CAPRIN2: variants seen among roughly 807,000 people sequenced by gnomAD.
CAPRIN2 encodes caprin-2.
Under a neutral mutation model 130.4 loss-of-function variants are expected in CAPRIN2, and 66 were observed. That is an observed-to-expected ratio of 0.51 (90% CI 0.42 to 0.62). The LOEUF is 0.62. Ranked by LOEUF, CAPRIN2 falls within the 20% of genes least tolerant of loss-of-function variation. The probability of loss-of-function intolerance (pLI) is 0.00; values close to 1 mark genes in which losing one functional copy is unlikely to be tolerated. For synonymous variants in CAPRIN2, 471 were observed against 444.1 expected (o/e 1.06, Z -0.76); for missense variants, 1,185 against 1,246.6 (o/e 0.95, Z 0.74).
chr12:30,741,870 A>G (rs182092881), intron 2 of CAPRIN2, among the ~76,000 whole-genome samples: 1 of 152,272 alleles, frequency 6.6e-6, no homozygotes, highest in Admixed American at 6.5e-5. Flanking sequence ...CAGCAGCATA[A>G]TGGCCCAAAA....
chr12:30,753,686 T>G, exon 1 of CAPRIN2: 2 of 1,614,122 alleles, frequency 1.2e-6, no homozygotes, highest in Non-Finnish European at 1.7e-6. Context: ...CCCTGGAAAG[T>G]CTAGACCACT....
At chr12:30,737,987 C>T (rs962136328) in intron 3 of CAPRIN2, among the ~76,000 whole-genome samples, 2 of 151,530 alleles carry the variant, frequency 1.3e-5, no homozygotes, top group Non-Finnish European at 2.9e-5. Flanking sequence ...GTAACAAGGT[C>T]GAAAAGAAGG....
At chr12:30,735,588 G>C (rs1312870318) in intron 3 of CAPRIN2, among the ~76,000 whole-genome samples, 1 of 151,776 alleles carries the variant, frequency 6.6e-6, no homozygotes, top group Non-Finnish European at 1.5e-5. Context: ...TCATATTCCA[G>C]GGGAAAAAAT....
chr12:30,737,615 T>TTTTTGAA (rs2065464111), intron 3 of CAPRIN2, among the ~76,000 whole-genome samples: 1 of 141,894 alleles, frequency 7.0e-6, no homozygotes. Context: ...TTTTTTTTTT[T>TTTTTGAA]GAGACGTAGT....
chr12:30,716,130 A>C, intron 13 of CAPRIN2: 2 of 194,604 alleles, frequency 1.0e-5, no homozygotes, highest in South Asian at 2.1e-4. Flanking sequence ...TTTTATTATA[A>C]GATAGAAAAG....
intron 11 of CAPRIN2, among the ~76,000 whole-genome samples, chr12:30,722,458 T>C (rs2059695094): frequency 1.3e-5 from 2 of 152,164 alleles, no homozygotes; most frequent in South Asian, 4.1e-4. Context: ...GCTAGACCAG[T>C]GCTTTTCAAA....
intron 12 of CAPRIN2, chr12:30,719,208 G>C (rs2058601384): frequency 1.2e-6 from 2 of 1,613,850 alleles, no homozygotes; most frequent in Non-Finnish European, 1.7e-6. Flanking sequence ...ACGGTTGCTT[G>C]CCTGGGGGAA....
intron 12 of CAPRIN2, 103 bp from the exon 14 acceptor site, chr12:30,719,328 G>A (rs2058650763): frequency 2.3e-6 from 3 of 1,278,106 alleles, no homozygotes; most frequent in Admixed American, 2.1e-5. Context: ...TCTTTAGGAT[G>A]ACATTTGGAC....
chr12:30,718,476 T>G (rs760719915), intron 12 of CAPRIN2, among the ~76,000 whole-genome samples: 1 of 152,156 alleles, frequency 6.6e-6, no homozygotes, highest in Non-Finnish European at 1.5e-5. Context: ...ACTAAGGCTT[T>G]TTTCCCCCAC....
chr12:30,722,098 ATAGT>A (rs2059591557), intron 11 of CAPRIN2, among the ~76,000 whole-genome samples: 1 of 152,224 alleles, frequency 6.6e-6, no homozygotes, highest in Admixed American at 6.5e-5. Context: ...AGGCCACTTG[ATAGT>A]TAATCTTAAA....
chr12:30,723,839 A>G (rs990841375), intron 10 of CAPRIN2, among the ~76,000 whole-genome samples: 6 of 152,338 alleles, frequency 3.9e-5, no homozygotes, highest in Admixed American at 1.3e-4. Context: ...TGCTACACCA[A>G]TCTTCAAGCT....
intron 2 of CAPRIN2, among the ~76,000 whole-genome samples, chr12:30,741,383 G>C (rs571909749): frequency 1.3e-5 from 2 of 151,986 alleles, no homozygotes; most frequent in East Asian, 1.9e-4. Flanking sequence ...GATCAGAAAG[G>C]CCTGTTGGTT....
At chr12:30,748,430 T>A (rs946293568) in intron 2 of CAPRIN2, among the ~76,000 whole-genome samples, 1 of 152,236 alleles carries the variant, frequency 6.6e-6, no homozygotes, top group African/African-American at 2.4e-5. Flanking sequence ...CTATTAGCAT[T>A]TTTTAGCAAT....
Position 30,751,474 on chromosome 12 carries a change from G to C in CAPRIN2, c.421-341C>G, listed in dbSNP as rs186212069. 1.0e-4 allele frequency: 22 copies of C among 218,586 alleles called. No homozygotes were observed. The East Asian group carries it at 1.8e-3, about 17-fold the overall frequency. 13.5% of individuals were successfully genotyped at this position (218,586 alleles called of 1,614,324 possible). A position where few individuals can be genotyped will look rare whatever the true frequency, so the allele number is the denominator to read the frequency against. Reference sequence around the variant, plus strand: ...TAGCTTCTCAACAGGGAACAATTTTGTCCCCCAAAGATACCTGGCAATATC... The same window carrying C: ...TAGCTTCTCAACAGGGAACAATTTTCTCCCCCAAAGATACCTGGCAATATC... On this transcript the variant is annotated intron_variant, in intron 1 of 16. Coordinates refer to ENST00000298892, the Ensembl canonical transcript of CAPRIN2.
At chr12:30,709,677 C>T (rs566062111) in exon 17 of CAPRIN2, 1 of 488,906 alleles carries the variant, frequency 2.0e-6, no homozygotes, top group Non-Finnish European at 3.6e-6. Context: ...ACATTCACAG[C>T]TTGACTAGCG....
intron 3 of CAPRIN2, among the ~76,000 whole-genome samples, chr12:30,735,585 C>G (rs1212394046): frequency 6.6e-6 from 1 of 151,516 alleles, no homozygotes; most frequent in Non-Finnish European, 1.5e-5. Flanking sequence ...ATTTCATATT[C>G]CAGGGGAAAA....
chr12:30,727,551 A>G (rs1253384927), intron 8 of CAPRIN2, among the ~76,000 whole-genome samples: 1 of 152,236 alleles, frequency 6.6e-6, no homozygotes, highest in Non-Finnish European at 1.5e-5. Context: ...CACATATCTC[A>G]GCAAATGAGG....
chr12:30,712,733 CTTTTTTTTTTTTTT>C (rs754373140), intron 15 of CAPRIN2, among the ~76,000 whole-genome samples: 3 of 107,290 alleles, frequency 2.8e-5, no homozygotes, highest in Admixed American at 1.3e-4. Flanking sequence ...GTTTTCCACT[CTTTTTTTTTTTTTT>C]TTTTTTTTTT....
At position 30,737,723 on chromosome 12, in the gene CAPRIN2, G is replaced by A. The variant is rs534522432; in HGVS notation, c.571-2517C>T. Among the ~76,000 whole-genome samples the A allele has an allele frequency of 4.0e-4, 60 of 149,986 alleles. 1 individual carries two copies. The South Asian group carries it at 7.0e-3, about 17-fold the overall frequency. On this transcript the variant is annotated intron_variant, in intron 3 of 16. Coordinates refer to ENST00000298892, the Ensembl canonical transcript of CAPRIN2. ...CGCCATTCTCCTGTCTCAGCCTCCCGAGTAGCTGGGACTACAGGCACCCGC... is the reference window on the plus strand; with the variant it reads ...CGCCATTCTCCTGTCTCAGCCTCCCAAGTAGCTGGGACTACAGGCACCCGC...
Sources: gnomAD v4.1 joint callset for allele counts (sites outside exome capture counted in the v4.1 genomes callset) on GRCh38, gnomAD v4.1.1 for gene constraint, MANE v1.5 for transcripts, NCBI Gene and HGNC (gene_info 2026-07-23, HGNC 2026-07-21) for gene names.